EFNA5: variants seen among roughly 807,000 people sequenced by gnomAD.
EFNA5 encodes ephrin A5, also known as ephrin-A5.
Under a neutral mutation model 22.9 loss-of-function variants are expected in EFNA5, and 5 were observed. The observed-to-expected ratio is 0.22, with a 90% CI of 0.11 to 0.46. The LOEUF is 0.46. Ranked by LOEUF, EFNA5 falls within the 20% of genes least tolerant of loss-of-function variation. The pLI is 0.99. For synonymous variants in EFNA5, 113 were observed against 112.2 expected (o/e 1.01, Z -0.04); for missense variants, 237 against 293.3 (o/e 0.81, Z 1.40).
At chr5:107,384,862 T>G (rs180888207) in intron 4 of EFNA5, among the ~76,000 whole-genome samples, 2 of 143,748 alleles carry the variant, frequency 1.4e-5, no homozygotes, top group African/African-American at 5.1e-5. Flanking sequence ...AATCCACCCA[T>G]CTCAGCCTCT....
chr5:107,470,245 C>T (rs1750102597), intron 1 of EFNA5, among the ~76,000 whole-genome samples: 1 of 152,184 alleles, frequency 6.6e-6, no homozygotes, highest in Non-Finnish European at 1.5e-5. Context: ...GTCCTGGGAA[C>T]ACTAACTTGC....
chr5:107,530,659 G>C (rs570708392), intron 1 of EFNA5, among the ~76,000 whole-genome samples: 1 of 152,252 alleles, frequency 6.6e-6, no homozygotes, highest in Non-Finnish European at 1.5e-5. Flanking sequence ...AAGAAGGACA[G>C]AGTGGGAGAT....
chr5:107,469,464 G>A (rs1231445399), intron 1 of EFNA5, among the ~76,000 whole-genome samples: 1 of 152,108 alleles, frequency 6.6e-6, no homozygotes, highest in Non-Finnish European at 1.5e-5. Context: ...CTAAGCCAAG[G>A]AATGGCTTGG....
chr5:107,633,133 T>C (rs1185219974), intron 1 of EFNA5, among the ~76,000 whole-genome samples: 1 of 152,204 alleles, frequency 6.6e-6, no homozygotes, highest in Admixed American at 6.5e-5. Flanking sequence ...TTTTTAAAAA[T>C]TTCTTCCTGC....
At chr5:107,552,916 T>C (rs1748328893) in intron 1 of EFNA5, among the ~76,000 whole-genome samples, 1 of 152,186 alleles carries the variant, frequency 6.6e-6, no homozygotes, top group Non-Finnish European at 1.5e-5. Context: ...ATGTGGGCAA[T>C]AGTAATTTAC....
intron 1 of EFNA5, among the ~76,000 whole-genome samples, chr5:107,604,359 C>G (rs62355648): frequency 2.0e-5 from 3 of 151,600 alleles, no homozygotes; most frequent in Admixed American, 6.6e-5. Flanking sequence ...TTTTTTTAAC[C>G]AAACCAATTT....
At chr5:107,606,210 A>G (rs545136410) in intron 1 of EFNA5, among the ~76,000 whole-genome samples, 1 of 152,018 alleles carries the variant, frequency 6.6e-6, no homozygotes, top group Admixed American at 6.5e-5. Flanking sequence ...CTTTTTTTTT[A>G]AAGTCCTTTC....
chr5:107,588,426 C>T (rs928574320), intron 1 of EFNA5, among the ~76,000 whole-genome samples: 3 of 152,186 alleles, frequency 2.0e-5, no homozygotes, highest in African/African-American at 7.2e-5. Context: ...TGCACTGACA[C>T]TAATCTGCCT....
chr5:107,504,815 GA>G (rs1263607163), intron 1 of EFNA5, among the ~76,000 whole-genome samples: 1 of 152,094 alleles, frequency 6.6e-6, no homozygotes, highest in Non-Finnish European at 1.5e-5. Flanking sequence ...TATTCTAGTA[GA>G]CTCTGAATTT....
intron 2 of EFNA5, among the ~76,000 whole-genome samples, chr5:107,426,544 T>C (rs563693330): frequency 6.6e-6 from 1 of 152,210 alleles, no homozygotes. Context: ...GGGTATATAA[T>C]GGAGAAGAAA....
chr5:107,443,983 G>A (rs1189637614), intron 1 of EFNA5, among the ~76,000 whole-genome samples: 1 of 152,170 alleles, frequency 6.6e-6, no homozygotes, highest in Non-Finnish European at 1.5e-5. Flanking sequence ...CTCTGGTAAT[G>A]GAACAATCCT....
chr5:107,546,508 T>C (rs940312536), intron 1 of EFNA5, among the ~76,000 whole-genome samples: 3 of 152,194 alleles, frequency 2.0e-5, no homozygotes, highest in Non-Finnish European at 2.9e-5. Context: ...TTAAAAAAGA[T>C]CTCAGGCAGC....
intron 1 of EFNA5, among the ~76,000 whole-genome samples, chr5:107,473,191 A>T (rs1750190728): frequency 6.6e-6 from 1 of 151,796 alleles, no homozygotes; most frequent in African/African-American, 2.4e-5. Context: ...TTTGCCTCTG[A>T]AACTTACACT....
intron 2 of EFNA5, among the ~76,000 whole-genome samples, chr5:107,393,170 G>A (rs1385893351): frequency 2.0e-5 from 3 of 152,118 alleles, no homozygotes; most frequent in Admixed American, 1.3e-4. Flanking sequence ...TGGAAAGGTG[G>A]TCTTTAAAAA....
At chr5:107,448,046 T>G (rs1749442195) in intron 1 of EFNA5, among the ~76,000 whole-genome samples, 2 of 152,070 alleles carry the variant, frequency 1.3e-5, no homozygotes, top group South Asian at 4.1e-4. Flanking sequence ...TCCACCCACC[T>G]CAGCCTCCCA....
intron 1 of EFNA5, among the ~76,000 whole-genome samples, chr5:107,458,513 G>A (rs1193300422): frequency 1.3e-5 from 2 of 151,806 alleles, no homozygotes; most frequent in African/African-American, 4.8e-5. Flanking sequence ...GGCAGCATGA[G>A]GAAACCAAAA....
intron 1 of EFNA5, among the ~76,000 whole-genome samples, chr5:107,605,826 T>C (rs1349468587): frequency 6.6e-6 from 1 of 152,164 alleles, no homozygotes; most frequent in Non-Finnish European, 1.5e-5. Context: ...CAGGCTTTCT[T>C]CCCTCCTTGT....
At chr5:107,630,852 T>C (rs543596499) in intron 1 of EFNA5, among the ~76,000 whole-genome samples, 16 of 152,018 alleles carry the variant, frequency 1.1e-4, no homozygotes, top group Non-Finnish European at 1.6e-4. Context: ...TTCATGAAAA[T>C]TTATTTTTTT....
chr5:107,461,648 G>C (rs1452526206), intron 1 of EFNA5, among the ~76,000 whole-genome samples: 1 of 152,120 alleles, frequency 6.6e-6, no homozygotes, highest in African/African-American at 2.4e-5. Context: ...GGTCAAAAGT[G>C]TTAATTTTAT....
Sources: gnomAD v4.1 joint callset for allele counts (sites outside exome capture counted in the v4.1 genomes callset) on GRCh38, gnomAD v4.1.1 for gene constraint, MANE v1.5 for transcripts, NCBI Gene and HGNC (gene_info 2026-07-23, HGNC 2026-07-21) for gene names.